The following PRKAR2A variants were observed in gnomAD, a reference collection of about 807,000 sequenced individuals.
The protein encoded by PRKAR2A is cAMP-dependent protein kinase type II-alpha regulatory subunit.
A neutral mutation model predicts 51.9 loss-of-function variants in PRKAR2A; 29 were observed. The observed-to-expected ratio is 0.56, with a 90% confidence interval of 0.42 to 0.76. The LOEUF is 0.76. PRKAR2A is among the 30% of genes least tolerant of loss of function. The pLI is 0.00. For synonymous variants in PRKAR2A, 178 were observed against 186.2 expected, an observed-to-expected ratio of 0.96 and a Z score of 0.36; for missense variants, 445 against 512.1, an observed-to-expected ratio of 0.87 and a Z score of 1.26.
At chr3:48,778,897 C>A (rs2082147365) in intron 5 of PRKAR2A, among the ~76,000 whole-genome samples, 1 of 147,520 alleles carries the variant, frequency 6.8e-6, no homozygotes, top group Non-Finnish European at 1.5e-5. Context: ...ATGATCTCGG[C>A]TCACTGCAAC....
rs56116620 is a variant in PRKAR2A, at chr3:48,787,153, A to ATTAT, written c.435+3387_435+3390dup. On this transcript the variant is annotated intron_variant, in intron 4 of 10. Transcript: ENST00000265563. ...AAAAAAGACATTATTGAGAAAAGTA[A>ATTAT]TTATTTATTTATTTATTTATTTATT... Among the ~76,000 whole-genome samples, 1,304 of 149,788 alleles carry ATTAT rather than the reference A, an allele frequency of 8.7e-3. 11 individuals carry two copies. The highest frequency in any genetic ancestry group is 0.018 in the African/African-American group (732 of 40,870).
downstream of PRKAR2A, chr3:48,744,906 ACT>A (rs1323803373): frequency 1.3e-5 from 2 of 151,598 alleles, no homozygotes; most frequent in African/African-American, 2.4e-5. Flanking sequence ...ACGGAGTCTC[ACT>A]CTGTTGCCCA....
intron 1 of PRKAR2A, among the ~76,000 whole-genome samples, chr3:48,824,895 G>A (rs950851546): frequency 6.6e-6 from 1 of 151,324 alleles, no homozygotes; most frequent in Non-Finnish European, 1.5e-5. Context: ...GCAGTGAGCC[G>A]AGATCGTACC....
chr3:48,801,871 G>A (rs2082596199), intron 2 of PRKAR2A, among the ~76,000 whole-genome samples: 1 of 152,058 alleles, frequency 6.6e-6, no homozygotes, highest in Non-Finnish European at 1.5e-5. Context: ...CAAGAAGCTG[G>A]GATACAGGCA....
intron 1 of PRKAR2A, among the ~76,000 whole-genome samples, chr3:48,813,975 T>G (rs1427048842): frequency 6.6e-6 from 1 of 151,856 alleles, no homozygotes; most frequent in Non-Finnish European, 1.5e-5. Flanking sequence ...AATACAAAAA[T>G]TAGGGCCAGG....
At chr3:48,786,572 C>T (rs867086332) in intron 4 of PRKAR2A, among the ~76,000 whole-genome samples, 40 of 148,738 alleles carry the variant, frequency 2.7e-4, no homozygotes, top group African/African-American at 7.6e-4. Flanking sequence ...CAGAGGCGGG[C>T]GAATCACGAG....
intron 1 of PRKAR2A, among the ~76,000 whole-genome samples, chr3:48,842,646 G>A (rs986048188): frequency 3.9e-5 from 6 of 152,072 alleles, no homozygotes; most frequent in Non-Finnish European, 8.8e-5. Context: ...TTTGTCAAAG[G>A]CCTTTTCTGC....
At chr3:48,844,962 C>T (rs1302151338) in intron 1 of PRKAR2A, among the ~76,000 whole-genome samples, 2 of 151,772 alleles carry the variant, frequency 1.3e-5, no homozygotes, top group African/African-American at 4.8e-5. Flanking sequence ...CACATGTACC[C>T]TAAAACTTAA....
In PRKAR2A at chr3:48,788,684, C is replaced by T. The variant is rs142224744; in HGVS notation, c.435+1860G>A. On this transcript the variant is annotated intron_variant, in intron 4 of 10. Coordinates refer to ENST00000265563, the MANE Select transcript of PRKAR2A (RefSeq NM_004157.4). ...GATTAGTTCCCCTATAAAGGAAACC[C>T]TGAGAGCTCCCTCCCTCCTTCCACC... 4.1e-3 allele frequency among the ~76,000 whole-genome samples: 619 copies of T among 152,164 alleles called. 8 individuals are homozygous for T. The highest frequency in any genetic ancestry group is 0.014 in the African/African-American group (595 of 41,514).
intron 6 of PRKAR2A, among the ~76,000 whole-genome samples, chr3:48,766,234 C>T (rs2081939603): frequency 6.6e-6 from 1 of 150,860 alleles, no homozygotes; most frequent in African/African-American, 2.4e-5. Flanking sequence ...ACAATATCAA[C>T]AACAACAACA....
chr3:48,835,517 T>A (rs2083268376), intron 1 of PRKAR2A, among the ~76,000 whole-genome samples: 1 of 151,720 alleles, frequency 6.6e-6, no homozygotes, highest in African/African-American at 2.4e-5. Context: ...GGCAGACGCC[T>A]GTAGTCCCAG....
chr3:48,814,010 G>A (rs924423398), intron 1 of PRKAR2A, among the ~76,000 whole-genome samples: 4 of 152,148 alleles, frequency 2.6e-5, no homozygotes, highest in African/African-American at 9.7e-5. Context: ...AGCACTTTAA[G>A]AGGCCGAGGT....
Position 48,747,250 on chromosome 3 carries a change from G to C in PRKAR2A, c.*4335C>G, listed in dbSNP as rs1376225476. On this transcript the variant is annotated 3_prime_UTR_variant, in exon 11 of 11. Coordinates refer to ENST00000265563, the MANE Select transcript of PRKAR2A (RefSeq NM_004157.4). ...AGATTGGTTTACAAGTTCATGACAA[G>C]AACAAAAATTCCAACATCAGCCAAC... The C allele has an allele frequency of 3.3e-5, 5 of 152,022 alleles. No individual in the cohort carries two copies. Among genetic ancestry groups the C allele is most frequent in the African/African-American group, 1.2e-4 (5 of 41,476 alleles). 9.4% of individuals were successfully genotyped at this position (152,022 alleles called of 1,614,324 possible).
intron 1 of PRKAR2A, among the ~76,000 whole-genome samples, chr3:48,834,839 G>C (rs996391313): frequency 1.3e-5 from 2 of 150,136 alleles, no homozygotes; most frequent in African/African-American, 4.9e-5. Flanking sequence ...ACAACAAAAA[G>C]ACAAATAAAC....
At chr3:48,817,260 G>A (rs973412260) in intron 1 of PRKAR2A, among the ~76,000 whole-genome samples, 17 of 152,020 alleles carry the variant, frequency 1.1e-4, no homozygotes, top group African/African-American at 3.9e-4. Flanking sequence ...CCAGGAGGTG[G>A]AGGTTGCAGT....
intron 1 of PRKAR2A, among the ~76,000 whole-genome samples, chr3:48,809,289 G>A (rs2082731657): frequency 6.6e-6 from 1 of 151,834 alleles, no homozygotes; most frequent in Admixed American, 6.6e-5. Context: ...CCAGAGATGA[G>A]AAAAAATCTA....
chr3:48,771,016 A>T (rs1242802114), intron 6 of PRKAR2A, among the ~76,000 whole-genome samples: 5 of 152,078 alleles, frequency 3.3e-5, no homozygotes, highest in African/African-American at 1.2e-4. Flanking sequence ...ACCTGAGGTC[A>T]GGAGTTCGAG....
chr3:48,810,241 C>T (rs1421901094), intron 1 of PRKAR2A, among the ~76,000 whole-genome samples: 1 of 150,514 alleles, frequency 6.6e-6, no homozygotes, highest in South Asian at 2.1e-4. Flanking sequence ...TGTGTGTGTA[C>T]ACACACACAC....
At chr3:48,806,158 G>A (rs557038887) in intron 2 of PRKAR2A, among the ~76,000 whole-genome samples, 21 of 152,274 alleles carry the variant, frequency 1.4e-4, no homozygotes, top group African/African-American at 4.8e-4. Flanking sequence ...CCTTTCAACA[G>A]ATTTTTATGT....
Sources: allele counts gnomAD v4.1 joint callset (sites outside exome capture counted in the v4.1 genomes callset), GRCh38; gene constraint gnomAD v4.1.1; transcripts MANE v1.5; gene names NCBI Gene and HGNC (gene_info 2026-07-23, HGNC 2026-07-21).